Variants in CCDC102B observed in about 807,000 individuals in gnomAD.
The protein encoded by CCDC102B is coiled-coil domain containing 102B.
CCDC102B carries 75 observed loss-of-function variants against 57.4 expected under a neutral mutation model. The observed-to-expected ratio is 1.31, with a 90% confidence interval of 1.08 to 1.58. CCDC102B has a LOEUF of 1.58. CCDC102B is among the 40% of genes most tolerant of loss of function. The pLI is 0.00. For synonymous variants in CCDC102B, 206 were observed against 201.9 expected (o/e 1.02, Z -0.17); for missense variants, 636 against 582.6 (o/e 1.09, Z -0.94).
intron 2 of CCDC102B, among the ~76,000 whole-genome samples, chr18:68,788,730 C>T (rs372649334): frequency 0.057 from 8,497 of 148,582 alleles, 339 homozygotes; most frequent in African/African-American, 0.14. Flanking sequence ...TGTCTCTGCA[C>T]GTGAGATGGG....
chr18:68,978,410 G>T (rs1471580533), intron 6 of CCDC102B, among the ~76,000 whole-genome samples: 2 of 151,786 alleles, frequency 1.3e-5, no homozygotes, highest in Non-Finnish European at 2.9e-5. Context: ...TCTAATCCAA[G>T]GTTAAATTAG....
At chr18:68,749,319 A>T (rs1405689586) in intron 2 of CCDC102B, among the ~76,000 whole-genome samples, 1 of 151,994 alleles carries the variant, frequency 6.6e-6, no homozygotes, top group Admixed American at 6.6e-5. Context: ...GAAGAAAGTC[A>T]TTGGTAGCTT....
At chr18:68,978,526 G>A (rs1352688292) in intron 6 of CCDC102B, among the ~76,000 whole-genome samples, 3 of 151,922 alleles carry the variant, frequency 2.0e-5, no homozygotes, top group Non-Finnish European at 4.4e-5. Flanking sequence ...TTATAACCAT[G>A]TATCAAAATA....
intron 2 of CCDC102B, among the ~76,000 whole-genome samples, chr18:68,752,010 C>T (rs1475268176): frequency 6.6e-6 from 1 of 152,070 alleles, no homozygotes; most frequent in Non-Finnish European, 1.5e-5. Flanking sequence ...GCCTATAATC[C>T]CAGCACTTTG....
At chr18:68,976,982 T>C (rs1162878276) in intron 6 of CCDC102B, among the ~76,000 whole-genome samples, 1 of 152,032 alleles carries the variant, frequency 6.6e-6, no homozygotes. Context: ...CCCAACACTA[T>C]GCATATCGTC....
chr18:68,791,607 GTAAA>G (rs535891363), intron 2 of CCDC102B, among the ~76,000 whole-genome samples: 88 of 133,486 alleles, frequency 6.6e-4, no homozygotes, highest in Middle Eastern at 3.7e-3. Context: ...TTTGAAATGT[GTAAA>G]TAGAGTGTGT....
chr18:68,974,148 G>A (rs538960145), intron 6 of CCDC102B, among the ~76,000 whole-genome samples: 57 of 152,180 alleles, frequency 3.7e-4, no homozygotes, highest in African/African-American at 1.3e-3. Context: ...AATCCCTAAT[G>A]CAGCAGTATT....
rs34102373 is a variant in CCDC102B, at chr18:68,897,274, A to G, written c.1109A>G (p.Glu370Gly). The G allele has an allele frequency of 6.8e-4, 1,100 of 1,613,194 alleles. 6 individuals carry two copies. The African/African-American group carries it at 0.013, about 19-fold the overall frequency. ...GAGTGGGACAAGAGGGAAATACTTG[A>G]AAGAGAAAAGCAGGGACTGGAGAGA... is the stretch of plus-strand genomic sequence containing the variant. ...TSEWDKREIL[E>G]REKQGLEREN... The change falls in exon 6 of 8, where the codon GAA becomes GGA. Residue 370 changes from glutamate (E) to glycine (G), a missense_variant. Glu to Gly is a moderately conservative substitution (Grantham distance 98, BLOSUM62 -2). Transcript: ENST00000360242.
chr18:68,775,879 C>T (rs2034797243), intron 2 of CCDC102B, among the ~76,000 whole-genome samples: 1 of 152,226 alleles, frequency 6.6e-6, no homozygotes, highest in African/African-American at 2.4e-5. Context: ...GTCTCAATCT[C>T]CTGACCTCGT....
chr18:68,732,921 G>A (rs772294621), intron 2 of CCDC102B, among the ~76,000 whole-genome samples: 2 of 151,874 alleles, frequency 1.3e-5, no homozygotes, highest in East Asian at 1.9e-4. Context: ...CCTGGGCTGC[G>A]GACTTCCATA....
chr18:68,785,799 G>T (rs1487975483), intron 2 of CCDC102B, among the ~76,000 whole-genome samples: 4 of 151,464 alleles, frequency 2.6e-5, no homozygotes, highest in Non-Finnish European at 5.9e-5. Flanking sequence ...TCTGATGGTA[G>T]TTTCTTTTGC....
At chr18:68,963,696 A>G (rs2050100337) in intron 6 of CCDC102B, among the ~76,000 whole-genome samples, 1 of 151,814 alleles carries the variant, frequency 6.6e-6, no homozygotes, top group African/African-American at 2.4e-5. Context: ...GTAATATCTA[A>G]CAACTTCTGA....
intron 7 of CCDC102B, among the ~76,000 whole-genome samples, chr18:69,042,191 A>G (rs2052451554): frequency 6.6e-6 from 1 of 152,142 alleles, no homozygotes; most frequent in Non-Finnish European, 1.5e-5. Flanking sequence ...TAAGGAAATC[A>G]TAAAATAATA....
downstream of CCDC102B, among the ~76,000 whole-genome samples, chr18:69,056,636 A>AATAGATAGATAG (rs71176933): frequency 1.1e-3 from 130 of 122,030 alleles, no homozygotes; most frequent in East Asian, 3.1e-3. Context: ...ATAGATAGAT[A>AATAGATAGATAG]ATAGATAGAT....
intron 6 of CCDC102B, among the ~76,000 whole-genome samples, chr18:68,922,763 T>C (rs2041328029): frequency 6.6e-6 from 1 of 152,086 alleles, no homozygotes; most frequent in African/African-American, 2.4e-5. Flanking sequence ...TTTGTCCAGG[T>C]GAGTCCGGTT....
At chr18:69,026,156 G>A (rs984550590) in intron 7 of CCDC102B, among the ~76,000 whole-genome samples, 3 of 152,064 alleles carry the variant, frequency 2.0e-5, no homozygotes, top group Non-Finnish European at 4.4e-5. Flanking sequence ...GGAATACTCC[G>A]CAGTGTATCA....
intron 6 of CCDC102B, among the ~76,000 whole-genome samples, chr18:69,003,725 A>G (rs1481017206): frequency 6.6e-6 from 1 of 152,222 alleles, no homozygotes; most frequent in Non-Finnish European, 1.5e-5. Flanking sequence ...TAAAGGTACA[A>G]TTTTGTGAAG....
intron 4 of CCDC102B, among the ~76,000 whole-genome samples, chr18:68,864,976 A>T (rs1300615470): frequency 2.6e-5 from 4 of 152,000 alleles, no homozygotes; most frequent in Admixed American, 2.6e-4. Context: ...ATCAATATGA[A>T]TTCTGTTATC....
upstream of CCDC102B, among the ~76,000 whole-genome samples, chr18:68,795,362 C>CAT (rs2035595434): frequency 6.6e-6 from 1 of 152,086 alleles, no homozygotes; most frequent in Admixed American, 6.6e-5. Flanking sequence ...AAGGAAAGGC[C>CAT]ATATATATTT....
Sources: gnomAD v4.1 joint callset for allele counts (sites outside exome capture counted in the v4.1 genomes callset) on GRCh38, gnomAD v4.1.1 for gene constraint, MANE v1.5 for transcripts, NCBI Gene and HGNC (gene_info 2026-07-23, HGNC 2026-07-21) for gene names.